The following KMT5B variants were observed in gnomAD, a reference collection of about 807,000 sequenced individuals.
KMT5B encodes histone-lysine N-methyltransferase KMT5B.
KMT5B carries 10 observed loss-of-function variants against 83.2 expected under a neutral mutation model. That is an observed-to-expected ratio of 0.12 (90% confidence interval 0.07 to 0.20). KMT5B has a LOEUF of 0.20. Ranked by LOEUF, KMT5B falls within the 10% of genes least tolerant of loss-of-function variation. The pLI, the probability that KMT5B is intolerant of heterozygous loss-of-function variation, is 1.00. For synonymous variants in KMT5B, 349 were observed against 388.8 expected, an observed-to-expected ratio of 0.90 and a Z score of 1.20; for missense variants, 753 against 1,067.2, an observed-to-expected ratio of 0.71 and a Z score of 4.10.
intron 3 of KMT5B, among the ~76,000 whole-genome samples, chr11:68,184,857 T>C (rs571537298): frequency 6.6e-6 from 1 of 152,310 alleles, no homozygotes; most frequent in East Asian, 1.9e-4. Flanking sequence ...TTTAAGAGAA[T>C]TAAAGAGAGA....
At chr11:68,162,061 G>C (rs1854915882) in intron 10 of KMT5B, among the ~76,000 whole-genome samples, 1 of 152,170 alleles carries the variant, frequency 6.6e-6, no homozygotes, top group African/African-American at 2.4e-5. Flanking sequence ...CTGCTCTCCT[G>C]AACTGCCTCA....
chr11:68,211,057 C>T (rs1209280503), intron 1 of KMT5B, among the ~76,000 whole-genome samples: 1 of 152,172 alleles, frequency 6.6e-6, no homozygotes, highest in Non-Finnish European at 1.5e-5. Flanking sequence ...AACCTGGCCA[C>T]GAACCCAGGC....
intron 1 of KMT5B, among the ~76,000 whole-genome samples, chr11:68,211,307 C>T (rs1860864266): frequency 2.0e-5 from 3 of 152,166 alleles, no homozygotes; most frequent in African/African-American, 2.4e-5. Flanking sequence ...AAAAAGTTCA[C>T]TGCATGAGCA....
intron 3 of KMT5B, among the ~76,000 whole-genome samples, chr11:68,181,546 C>G (rs1856936144): frequency 6.6e-6 from 1 of 152,086 alleles, no homozygotes; most frequent in African/African-American, 2.4e-5. Context: ...AATTAAAATC[C>G]AAGAGCAGTA....
At chr11:68,189,157 A>T (rs1857764326) in intron 2 of KMT5B, among the ~76,000 whole-genome samples, 1 of 152,246 alleles carries the variant, frequency 6.6e-6, no homozygotes, top group Non-Finnish European at 1.5e-5. Context: ...AATTAAGGAT[A>T]TTCAAAGGTG....
chr11:68,182,490 A>C (rs1215165182), intron 3 of KMT5B, among the ~76,000 whole-genome samples: 1 of 152,076 alleles, frequency 6.6e-6, no homozygotes, highest in African/African-American at 2.4e-5. Flanking sequence ...ATAGGGTTTC[A>C]CTCTGTGGCC....
At chr11:68,190,587 G>A (rs189204304) in intron 1 of KMT5B, among the ~76,000 whole-genome samples, 127 of 152,312 alleles carry the variant, frequency 8.3e-4, no homozygotes, top group African/African-American at 2.9e-3. Context: ...GGATAATCCC[G>A]ACCCTGTGTG....
chr11:68,170,898 AAAG>A, intron 9 of KMT5B, 114 bp downstream of exon 9: 2 of 1,139,942 alleles, frequency 1.8e-6, no homozygotes, highest in Non-Finnish European at 2.4e-6. Flanking sequence ...CCGCTATGCT[AAAG>A]AACATAAAGA....
chr11:68,172,026 G>A (rs1029506317), intron 6 of KMT5B, among the ~76,000 whole-genome samples: 5 of 151,854 alleles, frequency 3.3e-5, no homozygotes, highest in Non-Finnish European at 7.4e-5. Flanking sequence ...AAATACTTGC[G>A]GCAATGAATT....
At chr11:68,210,246 T>C (rs1591092313) in intron 1 of KMT5B, among the ~76,000 whole-genome samples, 1 of 149,432 alleles carries the variant, frequency 6.7e-6, no homozygotes, top group African/African-American at 2.5e-5. Flanking sequence ...AATCAAGCTT[T>C]GGGGGGGGGG....
At chr11:68,204,239 GA>G (rs1169934931) in intron 1 of KMT5B, among the ~76,000 whole-genome samples, 3 of 152,174 alleles carry the variant, frequency 2.0e-5, no homozygotes, top group Non-Finnish European at 4.4e-5. Flanking sequence ...TAGTATGGTG[GA>G]AAACGGCCCC....
At chr11:68,170,782 T>G (rs1164491433) in intron 9 of KMT5B, among the ~76,000 whole-genome samples, 1 of 152,188 alleles carries the variant, frequency 6.6e-6, no homozygotes, top group African/African-American at 2.4e-5. Flanking sequence ...CACTCTTAGC[T>G]GGTAATATTA....
intron 1 of KMT5B, among the ~76,000 whole-genome samples, chr11:68,207,586 T>A (rs1347567245): frequency 1.3e-5 from 2 of 151,726 alleles, no homozygotes; most frequent in Admixed American, 6.6e-5. Context: ...AGGTCAAGAA[T>A]TCGAGACCAG....
intron 1 of KMT5B, among the ~76,000 whole-genome samples, chr11:68,207,171 G>A (rs1365668404): frequency 2.7e-5 from 4 of 149,476 alleles, no homozygotes; most frequent in African/African-American, 7.4e-5. Context: ...CCAAGATTGC[G>A]CCACTGCACT....
At chr11:68,187,151 C>T (rs1415616753) in intron 2 of KMT5B, among the ~76,000 whole-genome samples, 2 of 152,048 alleles carry the variant, frequency 1.3e-5, no homozygotes, top group African/African-American at 2.4e-5. Flanking sequence ...CATGCATCAT[C>T]AAACCTGGTT....
rs958526449 is a variant in KMT5B, at chr11:68,157,092, ATTTTTTTT to A, written c.*588_*595del. 6.8e-6 allele frequency: 1 copy of A among 148,050 alleles called. No homozygotes were observed. The highest frequency in any genetic ancestry group is 2.5e-5 in the African/African-American group (1 of 40,262). The allele number at this position is 148,050 out of a possible 1,614,324, so 9.2% of individuals were successfully genotyped here. On this transcript the variant is annotated 3_prime_UTR_variant, in exon 11 of 11. Coordinates refer to ENST00000304363, the MANE Select transcript of KMT5B (RefSeq NM_017635.5). ...TGAAAAGTGAGCTGTCACGTATGTCATTTTTTTTTTTTTTTTAAGAAACCAATCTGACT... is the reference window on the plus strand; with the variant it reads ...TGAAAAGTGAGCTGTCACGTATGTCATTTTTTTTAAGAAACCAATCTGACT...
rs755573011 is a variant in KMT5B, at chr11:68,158,104, T to C, written c.2242A>G (p.Ser748Gly). 3 of 1,614,254 alleles carry C rather than the reference T, an allele frequency of 1.9e-6. No individual in the cohort carries two copies. The African/African-American group carries it at 4.0e-5, about 22-fold the overall frequency. Residue 748 changes from serine (S) to glycine (G), a missense_variant, in exon 11 of 11, where the codon AGC becomes GGC. Transcript: ENST00000304363. ...MNSSKISIKLSKDHDNDNNLY... is the reference protein window; with the variant it reads ...MNSSKISIKLGKDHDNDNNLY... Reference sequence around the variant, plus strand: ...TTGTTATCGTTGTCATGGTCTTTGCTTAACTTGATGCTTATTTTGGAAGAG... The same window carrying C: ...TTGTTATCGTTGTCATGGTCTTTGCCTAACTTGATGCTTATTTTGGAAGAG...
At chr11:68,183,410 T>C (rs2153065413) in intron 3 of KMT5B, among the ~76,000 whole-genome samples, 1 of 152,252 alleles carries the variant, frequency 6.6e-6, no homozygotes, top group Non-Finnish European at 1.5e-5. Context: ...CAGGCTGGAG[T>C]GCAGTGGCGC....
In KMT5B at chr11:68,211,756, G is replaced by C. The variant is rs1443723053; in HGVS notation, c.-77+1382C>G. Among the ~76,000 whole-genome samples the C allele has an allele frequency of 2.0e-5, 3 of 152,206 alleles. No homozygotes were observed. In the East Asian group the frequency reaches 5.8e-4, roughly 29 times the overall value. On this transcript the variant is annotated intron_variant, in intron 1 of 10. Transcript: ENST00000304363. ...AAAAGGGGTGGAGGAATGCCGGGCAGGGCACGGCCGACAGGGACCAGGTAT... is the reference window on the plus strand; with the variant it reads ...AAAAGGGGTGGAGGAATGCCGGGCACGGCACGGCCGACAGGGACCAGGTAT...
Sources: gnomAD v4.1 joint callset for allele counts (sites outside exome capture counted in the v4.1 genomes callset) on GRCh38, gnomAD v4.1.1 for gene constraint, MANE v1.5 for transcripts, NCBI Gene and HGNC (gene_info 2026-07-23, HGNC 2026-07-21) for gene names.